Variants in MAP2K5 observed in about 807,000 individuals in gnomAD.
The protein encoded by MAP2K5 is dual specificity mitogen-activated protein kinase kinase 5.
Under a neutral mutation model 83.1 loss-of-function variants are expected in MAP2K5, and 49 were observed. That is an observed-to-expected ratio of 0.59 (90% CI 0.47 to 0.75). The LOEUF (loss-of-function observed/expected upper bound fraction) is 0.75, where lower values mean the gene tolerates loss of function less well. MAP2K5 is among the 30% of genes least tolerant of loss of function. The pLI is 0.00. For missense variants in MAP2K5, 457 were observed against 557.5 expected (o/e 0.82, Z 1.82); for synonymous variants, 202 against 191.8 (o/e 1.05, Z -0.44).
intron 19 of MAP2K5, among the ~76,000 whole-genome samples, chr15:67,761,011 C>T (rs574415259): frequency 3.9e-5 from 6 of 152,172 alleles, no homozygotes; most frequent in Admixed American, 1.3e-4. Context: ...CAAATGTTCT[C>T]AAAAGAGATT....
intron 19 of MAP2K5, among the ~76,000 whole-genome samples, chr15:67,753,255 A>G (rs1329897643): frequency 6.6e-6 from 1 of 152,218 alleles, no homozygotes; most frequent in South Asian, 2.1e-4. Context: ...AAAAGGAAAC[A>G]TAGATGTAAA....
At chr15:67,631,887 T>C (rs2086480641) in intron 9 of MAP2K5, among the ~76,000 whole-genome samples, 1 of 152,172 alleles carries the variant, frequency 6.6e-6, no homozygotes, top group Non-Finnish European at 1.5e-5. Context: ...GGCTCTTAGC[T>C]AACAAACTGG....
rs2087352767 is a variant in MAP2K5 at position 67,665,493 on chromosome 15, G to GT, written c.847+854dup. Among the ~76,000 whole-genome samples, 1 of 152,128 alleles carries GT rather than the reference G, an allele frequency of 6.6e-6. No homozygotes were observed. Among genetic ancestry groups the GT allele is most frequent in the South Asian group, 2.1e-4 (1 of 4,824 alleles). ...ACACATTAGATGTGACTAAAGGAAA[G>GT]TTTTTTCTTTTAAGGATATAAACTG... On this transcript the variant is annotated intron_variant, in intron 13 of 21. Coordinates refer to ENST00000178640, the MANE Select transcript of MAP2K5 (RefSeq NM_145160.3). The surrounding 1 kb of genome is among the most constrained non-coding windows in gnomAD (Gnocchi z 4.2).
At position 67,644,439 on chromosome 15, in the gene MAP2K5, T is replaced by G. The variant is rs972176586; in HGVS notation, c.586-1792T>G. On this transcript the variant is annotated intron_variant, in intron 9 of 21. Transcript: ENST00000178640. The surrounding 1 kb of genome is among the most constrained non-coding windows in gnomAD (Gnocchi z 4.6). ...TAAAACAATTACTCTTGAATTAGTT[T>G]CACTGACATGCTTAGTAGAATTTGA... Among the ~76,000 whole-genome samples, 3 of 152,078 alleles carry G rather than the reference T, an allele frequency of 2.0e-5. No homozygotes were observed. Among genetic ancestry groups the G allele is most frequent in the Admixed American group, 2.0e-4 (3 of 15,246 alleles).
Position 67,636,675 on chromosome 15 carries a change from G to C in MAP2K5, c.585+5748G>C, listed in dbSNP as rs912857015. Among the ~76,000 whole-genome samples, 3 of 152,098 alleles carry C rather than the reference G, an allele frequency of 2.0e-5. No homozygotes were observed. The highest frequency in any genetic ancestry group is 4.4e-5 in the Non-Finnish European group (3 of 68,022). The stretch of plus-strand genomic sequence containing the variant: ...TAATTTTTTATTGGATACCAGACAT[G>C]TGGCATGGGTGCTATTTTTGCTCTG... On this transcript the variant is annotated intron_variant, in intron 9 of 21. Coordinates refer to ENST00000178640, the MANE Select transcript of MAP2K5 (RefSeq NM_145160.3). This position sits in a 1 kb window ranked among gnomAD's most constrained non-coding sequence, Gnocchi z 4.7.
At chr15:67,706,021 G>T (rs1174818391) in intron 16 of MAP2K5, among the ~76,000 whole-genome samples, 1 of 152,188 alleles carries the variant, frequency 6.6e-6, no homozygotes, top group East Asian at 1.9e-4. Flanking sequence ...ACTCTTAGAA[G>T]AAATGATCTG....
Position 67,692,544 on chromosome 15 carries a change from A to G in MAP2K5, c.913A>G (p.Ser305Gly). The G allele has an allele frequency of 3.7e-6, 6 of 1,612,698 alleles. No individual in the cohort carries two copies. The highest frequency in any genetic ancestry group is 5.1e-6 in the Non-Finnish European group (6 of 1,178,832). ...GGTTAAGCTGTGTGATTTTGGAGTTAGCACTCAGGTATGTCTCTTTTCCTC... is the reference window on the plus strand; with the variant it reads ...GGTTAAGCTGTGTGATTTTGGAGTTGGCACTCAGGTATGTCTCTTTTCCTC... ...GQVKLCDFGVSTQLVNSIAKT... is the reference protein window; with the variant it reads ...GQVKLCDFGVGTQLVNSIAKT... The change falls in exon 14 of 22, where the codon AGC becomes GGC. Residue 305 changes from serine (S) to glycine (G), a missense_variant. This residue lies in a region of MAP2K5 where 168 missense variants were observed against 263.0 expected (regional missense o/e 0.64). Coordinates refer to ENST00000178640, the MANE Select transcript of MAP2K5 (RefSeq NM_145160.3).
At chr15:67,766,626 T>TCA (rs1352228548) in intron 19 of MAP2K5, among the ~76,000 whole-genome samples, 1 of 152,218 alleles carries the variant, frequency 6.6e-6, no homozygotes, top group Non-Finnish European at 1.5e-5. Context: ...GCCTCCCTCC[T>TCA]CACAGATTTG....
At chr15:67,733,067 C>T (rs1488285583) in intron 17 of MAP2K5, among the ~76,000 whole-genome samples, 1 of 152,146 alleles carries the variant, frequency 6.6e-6, no homozygotes, top group Non-Finnish European at 1.5e-5. Flanking sequence ...GAGAGAGTAA[C>T]AAATATTTCA....
intron 16 of MAP2K5, among the ~76,000 whole-genome samples, chr15:67,718,880 C>G (rs1295581731): frequency 6.6e-6 from 1 of 152,152 alleles, no homozygotes; most frequent in Admixed American, 6.5e-5. Flanking sequence ...GTATTCACCT[C>G]AAGCATTTAT....
rs1329634871 is a variant in MAP2K5, at chr15:67,719,802, GA to G, written c.1045-8112del. ...ATTTTGAGCTATGCAAACATTTGAA[GA>G]ACATTCATTTTTCAATTAGAAAAGT... On this transcript the variant is annotated intron_variant, in intron 16 of 21. Transcript: ENST00000178640. This position sits in a 1 kb window ranked among gnomAD's most constrained non-coding sequence, Gnocchi z 4.6. 3.3e-5 allele frequency among the ~76,000 whole-genome samples: 5 copies of G among 152,178 alleles called. No homozygotes were observed. Among genetic ancestry groups the G allele is most frequent in the African/African-American group, 1.2e-4 (5 of 41,446 alleles).
At chr15:67,709,248 C>T (rs2088631663) in intron 16 of MAP2K5, among the ~76,000 whole-genome samples, 1 of 152,106 alleles carries the variant, frequency 6.6e-6, no homozygotes, top group African/African-American at 2.4e-5. Context: ...AACTGTAGTT[C>T]TTTCTCCTTG....
intron 16 of MAP2K5, among the ~76,000 whole-genome samples, chr15:67,714,357 C>T (rs1239394424): frequency 7.6e-6 from 1 of 132,340 alleles, no homozygotes; most frequent in Non-Finnish European, 1.5e-5. Flanking sequence ...CTAGCCTTGG[C>T]TCTTGCCTCT....
At chr15:67,613,201 C>T (rs564236758) in intron 8 of MAP2K5, among the ~76,000 whole-genome samples, 36 of 152,280 alleles carry the variant, frequency 2.4e-4, no homozygotes, top group Non-Finnish European at 3.4e-4. Context: ...ATTTTCATTG[C>T]AAAGCCATCT....
intron 3 of MAP2K5, among the ~76,000 whole-genome samples, chr15:67,578,833 A>G (rs769927287): frequency 5.9e-5 from 9 of 152,232 alleles, no homozygotes; most frequent in Non-Finnish European, 1.2e-4. Flanking sequence ...ATAGTAGGAA[A>G]AAAAAGCATT....
At chr15:67,617,286 A>C (rs1241179167) in intron 8 of MAP2K5, among the ~76,000 whole-genome samples, 1 of 152,202 alleles carries the variant, frequency 6.6e-6, no homozygotes, top group Non-Finnish European at 1.5e-5. Flanking sequence ...AATCACTAGG[A>C]AAGCACATAT....
Position 67,782,519 on chromosome 15 carries a change from A to G in MAP2K5, c.1242+9767A>G, listed in dbSNP as rs2090344859. 6.6e-6 allele frequency among the ~76,000 whole-genome samples: 1 copy of G among 152,084 alleles called. No homozygotes were observed. Among genetic ancestry groups the G allele is most frequent in the East Asian group, 1.9e-4 (1 of 5,190 alleles). On this transcript the variant is annotated intron_variant, in intron 21 of 21. Coordinates refer to ENST00000178640, the MANE Select transcript of MAP2K5 (RefSeq NM_145160.3). The surrounding 1 kb of genome is among the most constrained non-coding windows in gnomAD (Gnocchi z 4.9). The stretch of plus-strand genomic sequence containing the variant: ...GTTAATTTTTTTTTCAGCGCCTCAC[A>G]GTAGGCGCCTCTCTTCTCACAGTGA...
At chr15:67,765,878 C>T (rs2090032166) in intron 19 of MAP2K5, among the ~76,000 whole-genome samples, 1 of 152,210 alleles carries the variant, frequency 6.6e-6, no homozygotes, top group Non-Finnish European at 1.5e-5. Context: ...ATTAAGCATT[C>T]TGAACTTGTC....
At chr15:67,674,774 A>G (rs927327139) in intron 13 of MAP2K5, among the ~76,000 whole-genome samples, 3 of 152,230 alleles carry the variant, frequency 2.0e-5, no homozygotes, top group Non-Finnish European at 2.9e-5. Flanking sequence ...CAAACAATCC[A>G]ATTAGAAAAT....
Sources: allele counts gnomAD v4.1 joint callset (sites outside exome capture counted in the v4.1 genomes callset), GRCh38; gene constraint gnomAD v4.1.1; regional missense constraint gnomAD v4.1.1; non-coding constraint Gnocchi (gnomAD v3.1); transcripts MANE v1.5; gene names NCBI Gene and HGNC (gene_info 2026-07-23, HGNC 2026-07-21).